WNK2: variants seen among roughly 807,000 people sequenced by gnomAD.
The protein encoded by WNK2 is WNK lysine deficient protein kinase 2.
Under a neutral mutation model 192.1 loss-of-function variants are expected in WNK2, and 67 were observed. That is an observed-to-expected ratio of 0.35 (90% confidence interval 0.29 to 0.43). The LOEUF is 0.43. WNK2 is among the 20% of genes least tolerant of loss of function. WNK2 has a pLI of 1.00. For missense variants in WNK2, 2,698 were observed against 3,089.7 expected (o/e 0.87, Z 3.01); for synonymous variants, 1,439 against 1,393.9 (o/e 1.03, Z -0.72).
Position 93,292,527 on chromosome 9 carries a change from C to G in WNK2, c.5062C>G (p.Pro1688Ala). ...PAFVRPARVE[P>A]TDRDGGEAGE... The stretch of plus-strand genomic sequence containing the variant: ...TTTTGTGAGACCTGCACGTGTGGAG[C>G]CCACAGACAGGGATGGTGGAGAAGC... The change falls in exon 23 of 30, where the codon CCC (proline) becomes GCC (alanine). Residue 1688 changes from proline (P) to alanine (A), a missense_variant. Physicochemically the swap from Pro to Ala is conservative, Grantham distance 27. This residue lies in a region of WNK2 where 1,098 missense variants were observed against 1,101.0 expected (regional missense o/e 1.00). Coordinates refer to ENST00000427277, the MANE Select transcript of WNK2 (RefSeq NM_006648.4). 1.0e-5 allele frequency: 16 copies of G among 1,582,262 alleles called. No homozygotes were observed. The highest frequency in any genetic ancestry group is 1.4e-5 in the Non-Finnish European group (16 of 1,162,158).
intron 27 of WNK2, 71 bp from the exon 28 acceptor site, chr9:93,308,257 T>C: frequency 2.0e-6 from 3 of 1,499,814 alleles, no homozygotes; most frequent in Non-Finnish European, 2.7e-6. Context: ...TAAGAATGAA[T>C]GCGGCCAGCC....
intron 16 of WNK2, among the ~76,000 whole-genome samples, chr9:93,267,468 T>C (rs369305519): frequency 1.3e-5 from 2 of 152,196 alleles, no homozygotes; most frequent in Non-Finnish European, 2.9e-5. Flanking sequence ...TGGACCGGCC[T>C]CAGGGTCTGT....
At chr9:93,306,959 G>C in intron 27 of WNK2, 138 bp downstream of exon 27, 1 of 1,029,180 alleles carries the variant, frequency 9.7e-7, no homozygotes, top group Non-Finnish European at 1.5e-6. Flanking sequence ...ATGCCTCTCG[G>C]CCGGGCACTG....
intron 26 of WNK2, among the ~76,000 whole-genome samples, chr9:93,305,034 G>T (rs1852269208): frequency 6.6e-6 from 1 of 152,206 alleles, no homozygotes; most frequent in Non-Finnish European, 1.5e-5. Flanking sequence ...GTGAGTCCCA[G>T]CTCTGATCGC....
intron 11 of WNK2, 142 bp from the exon 12 acceptor site, chr9:93,258,789 A>G (rs1045784562): frequency 5.8e-6 from 4 of 693,988 alleles, no homozygotes; most frequent in Middle Eastern, 5.4e-4. Flanking sequence ...AGCTACACAA[A>G]GGTGTCTCGG....
intron 2 of WNK2, among the ~76,000 whole-genome samples, chr9:93,210,023 G>T (rs963177697): frequency 2.6e-5 from 4 of 152,156 alleles, no homozygotes; most frequent in African/African-American, 4.8e-5. Context: ...GGAGTTGGGG[G>T]TTCCCCTCTT....
intron 2 of WNK2, among the ~76,000 whole-genome samples, chr9:93,227,359 C>T (rs563969681): frequency 5.9e-4 from 90 of 152,206 alleles, no homozygotes; most frequent in African/African-American, 2.0e-3. Flanking sequence ...GTGATCCGCC[C>T]GCCTCGGCCT....
intron 8 of WNK2, among the ~76,000 whole-genome samples, chr9:93,249,933 T>TTTTTA (rs1554710500): frequency 6.2e-5 from 9 of 144,840 alleles, no homozygotes; most frequent in East Asian, 6.2e-4. Flanking sequence ...TTTTTTTTTT[T>TTTTTA]AAAGACAGTC....
intron 28 of WNK2, among the ~76,000 whole-genome samples, chr9:93,313,825 A>G (rs2134383017): frequency 6.6e-6 from 1 of 152,310 alleles, no homozygotes; most frequent in South Asian, 2.1e-4. Context: ...TGGAATTAAA[A>G]GATAAAAGTA....
At chr9:93,233,815 T>G (rs1839336416) in intron 4 of WNK2, among the ~76,000 whole-genome samples, 1 of 151,734 alleles carries the variant, frequency 6.6e-6, no homozygotes, top group South Asian at 2.1e-4. Context: ...AAACTAGAAA[T>G]TTTGAAGACC....
intron 21 of WNK2, among the ~76,000 whole-genome samples, chr9:93,292,016 C>T (rs1169107474): frequency 6.6e-5 from 10 of 152,238 alleles, no homozygotes; most frequent in Admixed American, 6.5e-4. Context: ...GAAGGCCTGG[C>T]TGCATGAGGG....
chr9:93,320,129 G>A (rs1588688482), intron 29 of WNK2, among the ~76,000 whole-genome samples: 1 of 152,238 alleles, frequency 6.6e-6, no homozygotes, highest in African/African-American at 2.4e-5. Context: ...CAGAGCGTCT[G>A]TTTGGGTTTC....
At chr9:93,295,847 T>C (rs1186169174) in intron 23 of WNK2, among the ~76,000 whole-genome samples, 6 of 106,376 alleles carry the variant, frequency 5.6e-5, no homozygotes, top group East Asian at 3.3e-4. Context: ...ACTTTCCTCC[T>C]CTCTCCATCC....
chr9:93,298,118 A>C (rs1850928802), intron 24 of WNK2, 51 bp downstream of exon 24: 4 of 1,537,094 alleles, frequency 2.6e-6, no homozygotes, highest in Non-Finnish European at 3.5e-6. Context: ...GGGACCCCCG[A>C]GTGAGCCTGG....
chr9:93,254,935 A>G (rs979842233), intron 9 of WNK2, among the ~76,000 whole-genome samples: 2 of 152,176 alleles, frequency 1.3e-5, no homozygotes, highest in African/African-American at 4.8e-5. Flanking sequence ...AGCCTAGGTT[A>G]GGGCTTCCCA....
rs1340291523 is a variant in WNK2 at position 93,254,289 on chromosome 9, T to C, written c.2034+1207T>C. 3.3e-5 allele frequency among the ~76,000 whole-genome samples: 5 copies of C among 152,220 alleles called. No individual in the cohort carries two copies. In the East Asian group the frequency reaches 7.7e-4, roughly 23 times the overall value. ...GAAACCCAAGCAAGGACATCACAGGTGCAGCCACTGTGTACTCCGGGCCAA... is the reference window on the plus strand; with the variant it reads ...GAAACCCAAGCAAGGACATCACAGGCGCAGCCACTGTGTACTCCGGGCCAA... On this transcript the variant is annotated intron_variant, in intron 9 of 29. Coordinates refer to ENST00000427277, the MANE Select transcript of WNK2 (RefSeq NM_006648.4).
intron 7 of WNK2, among the ~76,000 whole-genome samples, chr9:93,241,549 T>TAAGGTCCTGCTG (rs1454822315): frequency 5.3e-5 from 8 of 151,994 alleles, no homozygotes; most frequent in African/African-American, 1.7e-4. Context: ...CAGGCCGGGC[T>TAAGGTCCTGCTG]GGGTCTCAGT....
rs1829052666 is a variant in WNK2, at chr9:93,185,166, C to T, written c.237C>T (p.Cys79=). 3 of 1,248,676 alleles carry T rather than the reference C, an allele frequency of 2.4e-6. No homozygotes were observed. Among genetic ancestry groups the T allele is most frequent in the African/African-American group, 1.6e-5 (1 of 62,814 alleles). The allele number at this position is 1,248,676 out of a possible 1,614,324, so 77.3% of individuals were successfully genotyped here. Residue 79 remains cysteine, a synonymous_variant, in exon 2 of 30, where the codon TGC becomes TGT. Coordinates refer to ENST00000427277, the MANE Select transcript of WNK2 (RefSeq NM_006648.4). ...TGCAGCGCCGGGTGCTTCTGCTCTG[C>T]AAGACGCGCCGCCTCATCGCGGAGC... The part of the protein sequence containing the change: ...QPLQRRVLLL[C]KTRRLIAERA...
intron 12 of WNK2, among the ~76,000 whole-genome samples, chr9:93,261,608 AG>A (rs1844263733): frequency 6.6e-6 from 1 of 152,218 alleles, no homozygotes; most frequent in African/African-American, 2.4e-5. Context: ...TTCCACAGAA[AG>A]GGGTGTGAGA....
Sources: allele counts gnomAD v4.1 joint callset (sites outside exome capture counted in the v4.1 genomes callset), GRCh38; gene constraint gnomAD v4.1.1; regional missense constraint gnomAD v4.1.1; transcripts MANE v1.5; gene names NCBI Gene and HGNC (gene_info 2026-07-23, HGNC 2026-07-21).